Variants in UNC13C observed in about 807,000 individuals in gnomAD.
UNC13C encodes unc-13 homolog C.
Under a neutral mutation model 245.4 loss-of-function variants are expected in UNC13C, and 174 were observed. The observed-to-expected ratio is 0.71, with a 90% confidence interval of 0.63 to 0.80. The LOEUF is 0.80. UNC13C is among the 30% of genes least tolerant of loss of function. The probability of loss-of-function intolerance (pLI) is 0.00; values close to 1 mark genes in which losing one functional copy is unlikely to be tolerated. For missense variants in UNC13C, 2,829 were observed against 2,602.9 expected, an observed-to-expected ratio of 1.09 and a Z score of -1.89; for synonymous variants, 992 against 895.1, an observed-to-expected ratio of 1.11 and a Z score of -1.93.
intron 19 of UNC13C, among the ~76,000 whole-genome samples, chr15:54,451,040 A>G (rs2141007934): frequency 6.6e-6 from 1 of 152,186 alleles, no homozygotes; most frequent in East Asian, 1.9e-4. Flanking sequence ...TTTTCTTTTC[A>G]GCACTTTGAA....
At chr15:53,895,218 G>C in the UNC13C span, among the ~76,000 whole-genome samples, 15 of 151,854 alleles carry the variant, frequency 9.9e-5, no homozygotes, top group South Asian at 2.3e-3. Flanking sequence ...ATAAAAATTA[G>C]CTGGGTGTGG....
chr15:53,922,881 C>T, the UNC13C span, among the ~76,000 whole-genome samples: 2 of 152,112 alleles, frequency 1.3e-5, no homozygotes, highest in South Asian at 4.1e-4. Context: ...AACTTTTTTG[C>T]TCAAAATATT....
At position 54,115,361 on chromosome 15, in the gene UNC13C, A is replaced by G. The variant is rs776340771; in HGVS notation, c.2984-27657A>G. Among the ~76,000 whole-genome samples the G allele has an allele frequency of 1.2e-4, 18 of 152,164 alleles. 3 individuals carry two copies. The highest frequency in any genetic ancestry group is 1.0e-3 in the Admixed American group (16 of 15,290). ...GAAACCAGTTGTGCCAACATTATCA[A>G]TTGCATCCTTCACTGTGGTTTTGTG... On this transcript the variant is annotated intron_variant, in intron 2 of 32. Transcript: ENST00000260323.
intron 4 of UNC13C, among the ~76,000 whole-genome samples, chr15:54,195,050 C>T (rs756748454): frequency 4.6e-5 from 7 of 152,068 alleles, no homozygotes; most frequent in African/African-American, 9.7e-5. Flanking sequence ...TTTTCAGGAT[C>T]GGAAGTTTTG....
intron 17 of UNC13C, among the ~76,000 whole-genome samples, chr15:54,343,899 G>A (rs1014110215): frequency 2.0e-5 from 3 of 152,160 alleles, no homozygotes; most frequent in African/African-American, 7.2e-5. Flanking sequence ...GGGGTAAGGG[G>A]GGGTCCTGGC....
chr15:54,277,604 T>C (rs559179517), intron 10 of UNC13C, among the ~76,000 whole-genome samples: 1 of 152,296 alleles, frequency 6.6e-6, no homozygotes, highest in South Asian at 2.1e-4. Context: ...TGGGAAAATT[T>C]CATCAAAAAG....
chr15:54,036,728 A>T (rs192318282), intron 2 of UNC13C, among the ~76,000 whole-genome samples: 158 of 152,310 alleles, frequency 1.0e-3, no homozygotes, highest in East Asian at 4.1e-3. Flanking sequence ...ATCCACCTTC[A>T]TCTGTCATTC....
At chr15:54,021,574 T>C (rs561291155) in intron 2 of UNC13C, among the ~76,000 whole-genome samples, 5 of 152,272 alleles carry the variant, frequency 3.3e-5, no homozygotes, top group Non-Finnish European at 5.9e-5. Flanking sequence ...TCTACTTTTT[T>C]ATCCATTCAT....
chr15:54,310,957 C>A (rs2037856195), intron 13 of UNC13C, among the ~76,000 whole-genome samples: 1 of 151,624 alleles, frequency 6.6e-6, no homozygotes, highest in Non-Finnish European at 1.5e-5. Context: ...CTACTACCAC[C>A]TTTATCACAT....
At chr15:53,880,355 G>A in the UNC13C span, among the ~76,000 whole-genome samples, 116,746 of 152,156 alleles carry the variant, frequency 0.77, 44,974 homozygotes, top group East Asian at 0.92. Flanking sequence ...TGTAATGACC[G>A]ATTACTTCAA....
chr15:53,907,330 T>C, the UNC13C span, among the ~76,000 whole-genome samples: 2 of 152,242 alleles, frequency 1.3e-5, no homozygotes, highest in African/African-American at 4.8e-5. Context: ...TGATGGTTGA[T>C]GTAAATTCTT....
chr15:53,919,184 T>G, the UNC13C span, among the ~76,000 whole-genome samples: 1 of 152,208 alleles, frequency 6.6e-6, no homozygotes. Context: ...ACTAGCTGTG[T>G]GAGCTTGGGC....
chr15:53,869,719 G>T, the UNC13C span, among the ~76,000 whole-genome samples: 1 of 152,156 alleles, frequency 6.6e-6, no homozygotes, highest in Non-Finnish European at 1.5e-5. Flanking sequence ...GTAAAGAGTA[G>T]CAGCGGCAGC....
the UNC13C span, among the ~76,000 whole-genome samples, chr15:53,946,081 A>G: frequency 6.6e-6 from 1 of 151,918 alleles, no homozygotes; most frequent in Non-Finnish European, 1.5e-5. Context: ...TTGTCCATTG[A>G]TTTTTTTATC....
chr15:53,886,390 C>A, the UNC13C span, among the ~76,000 whole-genome samples: 441 of 151,948 alleles, frequency 2.9e-3, 3 homozygotes, highest in Non-Finnish European at 5.4e-3. Flanking sequence ...GTCACAGGAG[C>A]CAACAAAAAG....
chr15:53,976,119 C>T (rs768859486), upstream of UNC13C, among the ~76,000 whole-genome samples: 1 of 152,148 alleles, frequency 6.6e-6, no homozygotes, highest in Non-Finnish European at 1.5e-5. Context: ...GATGTCCCTG[C>T]AGGTCAATAA....
Position 54,314,218 on chromosome 15 carries a change from A to T in UNC13C, c.4269-7721A>T, listed in dbSNP as rs886821146. Reference sequence around the variant, plus strand: ...GTTAGATGGGAGGAATAAATTCCAGAAATTCATTTTACAACATGGTGACTA... The same window carrying T: ...GTTAGATGGGAGGAATAAATTCCAGTAATTCATTTTACAACATGGTGACTA... On this transcript the variant is annotated intron_variant, in intron 13 of 32. Coordinates refer to ENST00000260323, the MANE Select transcript of UNC13C (RefSeq NM_001080534.3). Among the ~76,000 whole-genome samples the T allele has an allele frequency of 1.4e-4, 21 of 151,712 alleles. 1 individual carries two copies. Among genetic ancestry groups the T allele is most frequent in the African/African-American group, 5.1e-4 (21 of 41,390 alleles).
Position 54,159,202 on chromosome 15 carries a change from G to A in UNC13C, c.3071+15518G>A, listed in dbSNP as rs562324973. ...GCTATTTCATGCTCACTATTGAGCA[G>A]GCTACAATAGAACTGTCGAGTAAAC... On this transcript the variant is annotated intron_variant, in intron 4 of 32. Coordinates refer to ENST00000260323, the MANE Select transcript of UNC13C (RefSeq NM_001080534.3). Among the ~76,000 whole-genome samples the A allele has an allele frequency of 3.3e-5, 5 of 152,272 alleles. No individual in the cohort carries two copies. In the East Asian group the frequency reaches 9.6e-4, roughly 29 times the overall value.
At chr15:54,407,378 A>T (rs2040316430) in intron 18 of UNC13C, among the ~76,000 whole-genome samples, 1 of 152,186 alleles carries the variant, frequency 6.6e-6, no homozygotes, top group South Asian at 2.1e-4. Context: ...GCAGAGGTGG[A>T]TGACTCTGGT....
Sources: gnomAD v4.1 joint callset for allele counts (sites outside exome capture counted in the v4.1 genomes callset) on GRCh38, gnomAD v4.1.1 for gene constraint, MANE v1.5 for transcripts, NCBI Gene and HGNC (gene_info 2026-07-23, HGNC 2026-07-21) for gene names.